Variants in CERS6 observed in about 807,000 individuals in gnomAD.
The protein encoded by CERS6 is LAG1 homolog, ceramide synthase 6.
A neutral mutation model predicts 56.8 loss-of-function variants in CERS6; 26 were observed. The ratio of observed to expected loss-of-function variants is 0.46; its 90% CI spans 0.34 to 0.63. The LOEUF is 0.63. Among genes scored for constraint, CERS6 ranks in the 30% least tolerant of loss-of-function variants. CERS6 has a pLI of 0.01. For missense variants in CERS6, 415 were observed against 467.5 expected, an observed-to-expected ratio of 0.89 and a Z score of 1.04; for synonymous variants, 164 against 173.3, an observed-to-expected ratio of 0.95 and a Z score of 0.42.
chr2:168,584,084 G>T (rs1683484119), intron 3 of CERS6, among the ~76,000 whole-genome samples: 1 of 152,208 alleles, frequency 6.6e-6, no homozygotes, highest in South Asian at 2.1e-4. Context: ...TAGGTAGTGA[G>T]AGTCAGGATC....
At chr2:168,592,428 C>A (rs1683694201) in intron 3 of CERS6, among the ~76,000 whole-genome samples, 1 of 152,006 alleles carries the variant, frequency 6.6e-6, no homozygotes, top group African/African-American at 2.4e-5. Context: ...GCTCTGGAAG[C>A]CAGCAGCAGA....
intron 3 of CERS6, among the ~76,000 whole-genome samples, chr2:168,575,461 C>T (rs1683238877): frequency 6.6e-6 from 1 of 151,970 alleles, no homozygotes; most frequent in South Asian, 2.1e-4. Flanking sequence ...AAACTATCAG[C>T]TTTCGTGAGA....
chr2:168,750,140 T>C (rs1684220948), intron 8 of CERS6, among the ~76,000 whole-genome samples: 1 of 152,154 alleles, frequency 6.6e-6, no homozygotes, highest in African/African-American at 2.4e-5. Flanking sequence ...TTTTAGCTAG[T>C]TCTCAATTTG....
chr2:168,595,238 T>G (rs1177068060), intron 3 of CERS6, among the ~76,000 whole-genome samples: 1 of 152,238 alleles, frequency 6.6e-6, no homozygotes, highest in Non-Finnish European at 1.5e-5. Context: ...AAGGAGCACA[T>G]GTATCCTATG....
intron 4 of CERS6, among the ~76,000 whole-genome samples, chr2:168,639,067 T>C (rs1574119994): frequency 6.6e-6 from 1 of 151,916 alleles, no homozygotes; most frequent in Non-Finnish European, 1.5e-5. Context: ...CATGTCAGAG[T>C]CTACCAAAAT....
intron 3 of CERS6, among the ~76,000 whole-genome samples, chr2:168,599,845 G>A (rs1318976749): frequency 6.6e-6 from 1 of 152,192 alleles, no homozygotes; most frequent in Admixed American, 6.5e-5. Flanking sequence ...AGTAGGGCTG[G>A]TGATGTAGAG....
intron 8 of CERS6, among the ~76,000 whole-genome samples, chr2:168,724,496 G>A (rs1250017928): frequency 6.6e-6 from 1 of 152,066 alleles, no homozygotes; most frequent in East Asian, 1.9e-4. Context: ...AGAGCCGAGT[G>A]GTCTGTTTTG....
chr2:168,698,090 G>T (rs1686705461), intron 6 of CERS6, among the ~76,000 whole-genome samples: 1 of 152,096 alleles, frequency 6.6e-6, no homozygotes, highest in African/African-American at 2.4e-5. Context: ...GAGCTCACAA[G>T]TTCAAGACCA....
intron 3 of CERS6, among the ~76,000 whole-genome samples, chr2:168,619,186 A>G (rs577652721): frequency 2.1e-4 from 32 of 152,274 alleles, no homozygotes; most frequent in South Asian, 6.2e-4. Flanking sequence ...CTGGATCCTC[A>G]TCTCTCATCT....
At chr2:168,760,819 G>A (rs1421361636) in intron 8 of CERS6, among the ~76,000 whole-genome samples, 3 of 151,762 alleles carry the variant, frequency 2.0e-5, no homozygotes, top group Non-Finnish European at 2.9e-5. Context: ...GCAGTGGCGC[G>A]ATCTCGGCTC....
intron 3 of CERS6, among the ~76,000 whole-genome samples, chr2:168,563,180 A>G (rs1022738860): frequency 9.2e-5 from 14 of 152,188 alleles, no homozygotes; most frequent in African/African-American, 3.4e-4. Context: ...CATTTTTAAC[A>G]AGTTTCTACA....
At chr2:168,661,892 G>C (rs759547906) in intron 4 of CERS6, among the ~76,000 whole-genome samples, 2 of 152,182 alleles carry the variant, frequency 1.3e-5, no homozygotes, top group African/African-American at 2.4e-5. Flanking sequence ...TGATAGAAAC[G>C]ATTCTTTCTT....
At chr2:168,763,951 A>G (rs1684654894) in intron 8 of CERS6, among the ~76,000 whole-genome samples, 1 of 152,200 alleles carries the variant, frequency 6.6e-6, no homozygotes. Flanking sequence ...CCAAGTGCTT[A>G]AGAGCAGACA....
intron 4 of CERS6, among the ~76,000 whole-genome samples, chr2:168,637,414 G>A (rs4277491): frequency 0.68 from 102,656 of 151,924 alleles, 35,616 homozygotes; most frequent in Middle Eastern, 0.8. Context: ...CCCAGTAGGC[G>A]GAGGTTGCAC....
intron 4 of CERS6, among the ~76,000 whole-genome samples, chr2:168,636,184 C>G (rs968973192): frequency 1.3e-5 from 2 of 152,070 alleles, no homozygotes; most frequent in Admixed American, 6.5e-5. Context: ...GATCACCTAT[C>G]CCAAATTTCC....
At chr2:168,590,123 A>G (rs1683638297) in intron 3 of CERS6, among the ~76,000 whole-genome samples, 1 of 152,212 alleles carries the variant, frequency 6.6e-6, no homozygotes, top group Non-Finnish European at 1.5e-5. Flanking sequence ...CCAACATATC[A>G]GCTAGATGTT....
chr2:168,491,681 T>A (rs955316999), intron 1 of CERS6, among the ~76,000 whole-genome samples: 2 of 152,114 alleles, frequency 1.3e-5, no homozygotes, highest in South Asian at 4.2e-4. Context: ...GTGCAGAACG[T>A]GTAGGTTTGT....
At chr2:168,544,528 A>G (rs1574055439) in intron 1 of CERS6, among the ~76,000 whole-genome samples, 1 of 151,890 alleles carries the variant, frequency 6.6e-6, no homozygotes, top group African/African-American at 2.4e-5. Context: ...TGTTACACCA[A>G]CTCTTCTGTG....
At chr2:168,528,076 GACCTAAAC>G (rs1187723191) in intron 1 of CERS6, among the ~76,000 whole-genome samples, 4 of 152,006 alleles carry the variant, frequency 2.6e-5, no homozygotes, top group Non-Finnish European at 5.9e-5. Flanking sequence ...GTGCCCTCAT[GACCTAAAC>G]ACCTCCCATT....
Sources: allele counts gnomAD v4.1 joint callset (sites outside exome capture counted in the v4.1 genomes callset), GRCh38; gene constraint gnomAD v4.1.1; transcripts MANE v1.5; gene names NCBI Gene and HGNC (gene_info 2026-07-23, HGNC 2026-07-21).